The following SOX13 variants were observed in gnomAD, a reference collection of about 807,000 sequenced individuals.
The protein encoded by SOX13 is transcription factor SOX-13.
Under a neutral mutation model 71.8 loss-of-function variants are expected in SOX13, and 28 were observed. The ratio of observed to expected loss-of-function variants is 0.39; its 90% confidence interval spans 0.29 to 0.53. SOX13 has a LOEUF of 0.53. SOX13 is among the 20% of genes least tolerant of loss of function. SOX13 has a pLI of 0.70. For missense variants in SOX13, 627 were observed against 810.3 expected, an observed-to-expected ratio of 0.77 and a Z score of 2.75; for synonymous variants, 309 against 317.8, an observed-to-expected ratio of 0.97 and a Z score of 0.29.
chr1:204,122,198 TG>T, intron 8 of SOX13, 38 bp from the exon 9 acceptor site: 1 of 1,510,428 alleles, frequency 6.6e-7, no homozygotes, highest in Non-Finnish European at 8.9e-7. Flanking sequence ...GAGTGTCCTT[TG>T]GTGTCTGTCA....
At chr1:204,110,521 A>G (rs1656559674) in intron 1 of SOX13, among the ~76,000 whole-genome samples, 4 of 152,072 alleles carry the variant, frequency 2.6e-5, no homozygotes, top group Admixed American at 2.6e-4. Context: ...TTTGCACTAT[A>G]TTGTCTAGGG....
intron 1 of SOX13, among the ~76,000 whole-genome samples, chr1:204,087,013 C>T (rs1656036319): frequency 6.6e-6 from 1 of 152,062 alleles, no homozygotes; most frequent in Non-Finnish European, 1.5e-5. Flanking sequence ...AGTTCTGCCT[C>T]CCGGGTTCAC....
At position 204,080,621 on chromosome 1, in the gene SOX13, CA is replaced by C. The variant is rs1264399470; in HGVS notation, c.-2+6911del. 5.9e-5 allele frequency among the ~76,000 whole-genome samples: 9 copies of C among 152,114 alleles called. No individual in the cohort carries two copies. In the South Asian group the frequency reaches 1.9e-3, roughly 32 times the overall value. On this transcript the variant is annotated intron_variant, in intron 1 of 13. Transcript: ENST00000367204. ...ACAAGATGGGGTGAGAACTAGTTCC[CA>C]GAGGGCCTTGGTCCCGCCCCTCCCA...
rs1655915018 is a variant in SOX13 at position 204,081,933 on chromosome 1, T to C, written c.-2+8222T>C. On this transcript the variant is annotated intron_variant, in intron 1 of 13. Transcript: ENST00000367204. This position sits in a 1 kb window ranked among gnomAD's most constrained non-coding sequence, Gnocchi z 4.3. ...GGGTGGAAGGAAGCCTGTGTGCAGG[T>C]ACAGCCGTGGCTCAGAGGCAGGTGG... is the stretch of plus-strand genomic sequence containing the variant. Among the ~76,000 whole-genome samples the C allele has an allele frequency of 6.6e-6, 1 of 151,914 alleles. No homozygotes were observed. Among genetic ancestry groups the C allele is most frequent in the Admixed American group, 6.6e-5 (1 of 15,246 alleles).
chr1:204,083,638 A>G (rs1281049142), intron 1 of SOX13, among the ~76,000 whole-genome samples: 1 of 152,196 alleles, frequency 6.6e-6, no homozygotes, highest in Non-Finnish European at 1.5e-5. Context: ...TACTAATCCA[A>G]GAGGTGATTG....
intron 1 of SOX13, among the ~76,000 whole-genome samples, chr1:204,078,881 TA>T (rs949879494): frequency 2.0e-5 from 3 of 152,224 alleles, no homozygotes; most frequent in Non-Finnish European, 4.4e-5. Context: ...GACTGCTTTT[TA>T]AAAAATGCAA....
In SOX13 at chr1:204,112,527, A is replaced by ACACACACACACACACACT. The variant is rs34093119; in HGVS notation, c.-1-387_-1-386insACACACACACACACACTC. ...CACACACACACACACACACACACAC[A>ACACACACACACACACACT]CTTTCTCTCTCTCGCTGTCGCTCTC... On this transcript the variant is annotated intron_variant, in intron 1 of 13. Transcript: ENST00000367204. 7.4e-5 allele frequency among the ~76,000 whole-genome samples: 11 copies of ACACACACACACACACACT among 147,900 alleles called. No individual in the cohort carries two copies. In the South Asian group the frequency reaches 8.8e-4, roughly 12 times the overall value.
At chr1:204,106,137 G>T (rs79080951) in intron 1 of SOX13, among the ~76,000 whole-genome samples, 8,491 of 152,298 alleles carry the variant, frequency 0.056, 313 homozygotes, top group Middle Eastern at 0.092. Context: ...CTCCAACGGG[G>T]TCTTTAAATC....
intron 1 of SOX13, among the ~76,000 whole-genome samples, chr1:204,080,555 C>T (rs540264824): frequency 1.3e-5 from 2 of 152,062 alleles, no homozygotes; most frequent in African/African-American, 2.4e-5. Context: ...CCCCAGTCCC[C>T]GCCCCCTGCT....
intron 1 of SOX13, among the ~76,000 whole-genome samples, chr1:204,091,196 A>G (rs572982408): frequency 2.0e-4 from 30 of 152,264 alleles, no homozygotes; most frequent in Non-Finnish European, 4.3e-4. Context: ...CTTCCCTGCC[A>G]GGGCTAGTGG....
intron 5 of SOX13, 136 bp downstream of exon 5, chr1:204,116,815 G>A (rs1571590426): frequency 7.5e-6 from 11 of 1,458,774 alleles, no homozygotes; most frequent in Admixed American, 2.4e-5. Flanking sequence ...TCTGTGGCCA[G>A]GGGCTGTAGG....
rs1656165152 is a variant in SOX13 at position 204,092,343 on chromosome 1, G to A, written c.-2+18632G>A. Among the ~76,000 whole-genome samples, 4 of 151,880 alleles carry A rather than the reference G, an allele frequency of 2.6e-5. No individual in the cohort carries two copies. The South Asian group carries it at 8.3e-4, about 32-fold the overall frequency. ...TTTTTTTCTTTTTTTTTGAGACAAG[G>A]TTTTGCTCTGTCACTCAGGCTGGAG... On this transcript the variant is annotated intron_variant, in intron 1 of 13. Coordinates refer to ENST00000367204, the MANE Select transcript of SOX13 (RefSeq NM_005686.3).
At chr1:204,079,887 C>T (rs1374118238) in intron 1 of SOX13, among the ~76,000 whole-genome samples, 2 of 124,790 alleles carry the variant, frequency 1.6e-5, no homozygotes, top group Admixed American at 7.4e-5. Flanking sequence ...GTTTCCCCTG[C>T]CTCCTCCTAA....
chr1:204,092,887 CCT>C (rs1656175213), intron 1 of SOX13, among the ~76,000 whole-genome samples: 1 of 113,270 alleles, frequency 8.8e-6, no homozygotes, highest in African/African-American at 3.7e-5. Flanking sequence ...AGTTACTTAG[CCT>C]CTCTGTGTTT....
At chr1:204,102,441 C>T (rs2102242762) in intron 1 of SOX13, among the ~76,000 whole-genome samples, 1 of 152,264 alleles carries the variant, frequency 6.6e-6, no homozygotes, top group Admixed American at 6.5e-5. Context: ...AGGGAAGGCA[C>T]CGTGGCTTGG....
intron 1 of SOX13, among the ~76,000 whole-genome samples, chr1:204,076,162 G>T (rs1048800139): frequency 2.0e-5 from 3 of 152,056 alleles, no homozygotes; most frequent in African/African-American, 7.2e-5. Context: ...AATCAATCTT[G>T]GCTCAACTGC....
chr1:204,078,610 AC>A (rs1655831053), intron 1 of SOX13, among the ~76,000 whole-genome samples: 3 of 152,148 alleles, frequency 2.0e-5, no homozygotes, highest in Admixed American at 2.0e-4. Context: ...CCTTTCTGGA[AC>A]CCGGATGTGT....
intron 1 of SOX13, among the ~76,000 whole-genome samples, chr1:204,101,152 G>T (rs1336971239): frequency 6.6e-6 from 1 of 152,206 alleles, no homozygotes; most frequent in East Asian, 1.9e-4. Flanking sequence ...CTGGGTGAAT[G>T]AAATTTACTG....
At chr1:204,115,864 C>G (rs1656682076) in intron 4 of SOX13, among the ~76,000 whole-genome samples, 1 of 151,674 alleles carries the variant, frequency 6.6e-6, no homozygotes, top group Non-Finnish European at 1.5e-5. Flanking sequence ...TGGGGTTTTA[C>G]CATGTTGTTC....
Sources: gnomAD v4.1 joint callset for allele counts (sites outside exome capture counted in the v4.1 genomes callset) on GRCh38, gnomAD v4.1.1 for gene constraint, Gnocchi (gnomAD v3.1) non-coding constraint, MANE v1.5 for transcripts, NCBI Gene and HGNC (gene_info 2026-07-23, HGNC 2026-07-21) for gene names.